GTPBP4: variants seen among roughly 807,000 people sequenced by gnomAD.
GTPBP4 encodes GTP binding protein 4.
A neutral mutation model predicts 81.7 loss-of-function variants in GTPBP4; 15 were observed. The ratio of observed to expected loss-of-function variants is 0.18; its 90% CI spans 0.12 to 0.28. The LOEUF (loss-of-function observed/expected upper bound fraction) is 0.28, where lower values mean the gene tolerates loss of function less well. Ranked by LOEUF, GTPBP4 falls within the 10% of genes least tolerant of loss-of-function variation. GTPBP4 has a pLI of 1.00. For synonymous variants in GTPBP4, 272 were observed against 274.6 expected, an observed-to-expected ratio of 0.99 and a Z score of 0.09; for missense variants, 847 against 793.8, an observed-to-expected ratio of 1.07 and a Z score of -0.81.
At chr10:999,452 C>G (rs1204408295) in intron 6 of GTPBP4, among the ~76,000 whole-genome samples, 2 of 152,106 alleles carry the variant, frequency 1.3e-5, no homozygotes, top group Non-Finnish European at 2.9e-5. Flanking sequence ...GAACAAATAT[C>G]TTGGTTTATC....
At chr10:998,342 C>G (rs1831568647) in intron 5 of GTPBP4, among the ~76,000 whole-genome samples, 1 of 152,188 alleles carries the variant, frequency 6.6e-6, no homozygotes, top group Non-Finnish European at 1.5e-5. Context: ...TCAAGCCATC[C>G]TCCTGCCTCA....
intron 14 of GTPBP4, among the ~76,000 whole-genome samples, chr10:1,013,309 A>G (rs1243077044): frequency 2.7e-5 from 4 of 150,380 alleles, no homozygotes; most frequent in Non-Finnish European, 5.9e-5. Context: ...TAATTTCTGC[A>G]TTAAATCTGG....
At chr10:1,010,982 G>C (rs10904598) in intron 13 of GTPBP4, among the ~76,000 whole-genome samples, 20,584 of 88,056 alleles carry the variant, frequency 0.23, 2,596 homozygotes, top group East Asian at 0.39. Context: ...CATCCTGACT[G>C]TGCCTCCTGC....
At chr10:1,006,295 A>T (rs1402724726) in intron 9 of GTPBP4, among the ~76,000 whole-genome samples, 1 of 152,254 alleles carries the variant, frequency 6.6e-6, no homozygotes, top group Admixed American at 6.5e-5. Flanking sequence ...GCTGGATTTC[A>T]CATGCTGTCC....
rs1162389438 is a variant in GTPBP4, at chr10:989,519, C to G, written c.48+992C>G. ...GGCAACTGGAGCCTCCCAGGGACTCCTGCACGAGAGGGAGTTACTGAAGTC... is the reference window on the plus strand; with the variant it reads ...GGCAACTGGAGCCTCCCAGGGACTCGTGCACGAGAGGGAGTTACTGAAGTC... On this transcript the variant is annotated intron_variant, in intron 1 of 16. Coordinates refer to ENST00000360803, the MANE Select transcript of GTPBP4 (RefSeq NM_012341.3). Among the ~76,000 whole-genome samples, 3 of 152,184 alleles carry G rather than the reference C, an allele frequency of 2.0e-5. No homozygotes were observed. In the East Asian group the frequency reaches 5.8e-4, roughly 29 times the overall value.
At chr10:997,074 A>G (rs1282372937) in intron 4 of GTPBP4, 134 bp from the exon 5 acceptor site, 11 of 685,536 alleles carry the variant, frequency 1.6e-5, no homozygotes, top group Non-Finnish European at 2.6e-5. Flanking sequence ...TATTTTCTCC[A>G]TCACTTTTGC....
intron 8 of GTPBP4, among the ~76,000 whole-genome samples, chr10:1,002,068 C>A (rs922095989): frequency 6.6e-6 from 1 of 152,014 alleles, no homozygotes; most frequent in Admixed American, 6.6e-5. Context: ...GGATTACAGG[C>A]GTGCGCCACC....
At chr10:1,003,631 C>A (rs546940407) in intron 8 of GTPBP4, among the ~76,000 whole-genome samples, 3 of 152,316 alleles carry the variant, frequency 2.0e-5, no homozygotes, top group Non-Finnish European at 4.4e-5. Context: ...GGAGCAGTGA[C>A]ATTGTTTCTG....
chr10:989,394 C>G (rs937657928), intron 1 of GTPBP4, among the ~76,000 whole-genome samples: 1 of 152,136 alleles, frequency 6.6e-6, no homozygotes, highest in Non-Finnish European at 1.5e-5. Context: ...GAATTACAGG[C>G]GTGAGCCACT....
chr10:997,025 A>C, intron 4 of GTPBP4, 183 bp from the exon 5 acceptor site: 1 of 578,580 alleles, frequency 1.7e-6, no homozygotes, highest in Non-Finnish European at 3.1e-6. Context: ...GGGAGATAGC[A>C]ATTGAATATA....
At chr10:1,017,051 T>C in intron 16 of GTPBP4, 24 bp from the exon 17 acceptor site, 7 of 1,599,264 alleles carry the variant, frequency 4.4e-6, no homozygotes, top group Non-Finnish European at 6.0e-6. Flanking sequence ...ATGAACATAC[T>C]TTATTTTTTT....
At chr10:1,005,960 T>G in intron 9 of GTPBP4, 53 bp downstream of exon 9, 1 of 895,640 alleles carries the variant, frequency 1.1e-6, no homozygotes, top group Non-Finnish European at 1.8e-6. Flanking sequence ...CTTGTTTGAT[T>G]CAAGTCAGTT....
intron 1 of GTPBP4, among the ~76,000 whole-genome samples, chr10:990,602 A>G (rs1285612497): frequency 2.0e-5 from 3 of 151,356 alleles, no homozygotes; most frequent in African/African-American, 7.3e-5. Flanking sequence ...GGGCGCCTGT[A>G]GTCCCAGCTG....
intron 13 of GTPBP4, among the ~76,000 whole-genome samples, chr10:1,011,645 G>A (rs990058204): frequency 3.3e-5 from 5 of 152,190 alleles, no homozygotes; most frequent in Non-Finnish European, 7.3e-5. Flanking sequence ...TTTCAGTCTC[G>A]TGGTCTCTGT....
At chr10:1,005,016 G>C (rs2132165565) in intron 8 of GTPBP4, among the ~76,000 whole-genome samples, 1 of 152,332 alleles carries the variant, frequency 6.6e-6, no homozygotes, top group Middle Eastern at 3.4e-3. Context: ...TGGGTGTCCA[G>C]AGTGGTGGCA....
chr10:1,011,027 C>T (rs1831855601), intron 13 of GTPBP4, among the ~76,000 whole-genome samples: 1 of 126,052 alleles, frequency 7.9e-6, no homozygotes, highest in Non-Finnish European at 1.7e-5. Flanking sequence ...CTCCGCCAGG[C>T]CCTGGATGGG....
intron 8 of GTPBP4, among the ~76,000 whole-genome samples, 161 bp from the exon 9 acceptor site, chr10:1,005,657 T>A (rs1250917212): frequency 2.0e-5 from 3 of 152,206 alleles, no homozygotes; most frequent in African/African-American, 7.2e-5. Context: ...CATAGAAGAA[T>A]ATGAAGAAAA....
chr10:1,016,608 G>A (rs1831998427), intron 16 of GTPBP4, among the ~76,000 whole-genome samples: 1 of 152,158 alleles, frequency 6.6e-6, no homozygotes, highest in Admixed American at 6.5e-5. Context: ...CAGGTTCATG[G>A]GCCTGAGTCC....
rs769965887 is a variant in GTPBP4 at position 1,000,743 on chromosome 10, A to G, written c.721A>G (p.Ile241Val). 3 of 1,596,274 alleles carry G rather than the reference A, an allele frequency of 1.9e-6. No individual in the cohort carries two copies. The highest frequency in any genetic ancestry group is 2.6e-6 in the Non-Finnish European group (3 of 1,171,240). The change falls in exon 7 of 17, where the codon ATC becomes GTC. Residue 241 changes from isoleucine to valine, a missense_variant. Coordinates refer to ENST00000360803, the MANE Select transcript of GTPBP4 (RefSeq NM_012341.3). ...EDRNTIEMQA[I>V]TALAHLRAAV... ...TAGGAACACCATCGAGATGCAGGCC[A>G]TCACTGCCCTGGCCCACCTCCGTGC...
Sources: gnomAD v4.1 joint callset for allele counts (sites outside exome capture counted in the v4.1 genomes callset) on GRCh38, gnomAD v4.1.1 for gene constraint, MANE v1.5 for transcripts, NCBI Gene and HGNC (gene_info 2026-07-23, HGNC 2026-07-21) for gene names.